Variants in MTOR observed in about 807,000 individuals in gnomAD.
The protein encoded by MTOR is serine/threonine-protein kinase mTOR.
A neutral mutation model predicts 319.8 loss-of-function variants in MTOR; 70 were observed. That is an observed-to-expected ratio of 0.22 (90% CI 0.18 to 0.27). The LOEUF is 0.27. Ranked by LOEUF, MTOR falls within the 10% of genes least tolerant of loss-of-function variation. The pLI is 1.00. For missense variants in MTOR, 1,890 were observed against 3,274.4 expected, an observed-to-expected ratio of 0.58 and a Z score of 10.32; for synonymous variants, 1,183 against 1,211.4, an observed-to-expected ratio of 0.98 and a Z score of 0.49.
At chr1:11,153,543 T>C (rs1450309293) in intron 30 of MTOR, among the ~76,000 whole-genome samples, 1 of 152,250 alleles carries the variant, frequency 6.6e-6, no homozygotes, top group Non-Finnish European at 1.5e-5. Flanking sequence ...GATATGATTG[T>C]ATGACAGCTG....
chr1:11,172,753 C>A (rs922555727), intron 28 of MTOR, among the ~76,000 whole-genome samples: 1 of 150,744 alleles, frequency 6.6e-6, no homozygotes, highest in Non-Finnish European at 1.5e-5. Context: ...CCTGTAATTG[C>A]AGCTACTCGG....
intron 3 of MTOR, among the ~76,000 whole-genome samples, chr1:11,257,596 G>A (rs113547331): frequency 0.03 from 4,421 of 149,578 alleles, 187 homozygotes; most frequent in African/African-American, 0.07. Context: ...AAAAAATCTG[G>A]CGAGTGAACC....
chr1:11,164,492 TA>T (rs987113226), intron 29 of MTOR, among the ~76,000 whole-genome samples: 1 of 151,998 alleles, frequency 6.6e-6, no homozygotes, highest in Non-Finnish European at 1.5e-5. Flanking sequence ...CTAGAAAATC[TA>T]GAAGAAATGG....
chr1:11,113,009 G>T, intron 53 of MTOR, 92 bp from the exon 54 acceptor site: 2 of 1,364,834 alleles, frequency 1.5e-6, no homozygotes, highest in Non-Finnish European at 2.1e-6. Flanking sequence ...AAATATAATT[G>T]TTCGTAAAGC....
At chr1:11,235,413 G>C (rs1647169197) in intron 13 of MTOR, among the ~76,000 whole-genome samples, 1 of 152,004 alleles carries the variant, frequency 6.6e-6, no homozygotes, top group African/African-American at 2.4e-5. Flanking sequence ...GAGCCCAAGA[G>C]GCAGAGGTTG....
chr1:11,136,945 G>A (rs1410637805), intron 36 of MTOR, among the ~76,000 whole-genome samples: 5 of 151,130 alleles, frequency 3.3e-5, no homozygotes, highest in East Asian at 1.9e-4. Flanking sequence ...AGGTTCAAGC[G>A]ATTCTCCCGC....
At chr1:11,221,247 G>A (rs1022256785) in intron 19 of MTOR, among the ~76,000 whole-genome samples, 14 of 152,060 alleles carry the variant, frequency 9.2e-5, no homozygotes, top group Admixed American at 2.0e-4. Flanking sequence ...CACCTGCCTC[G>A]GCCTCCCAAA....
intron 52 of MTOR, 81 bp from the exon 53 acceptor site, chr1:11,114,534 C>T (rs929454899): frequency 3.8e-6 from 6 of 1,575,272 alleles, no homozygotes; most frequent in Non-Finnish European, 5.2e-6. Context: ...GTTACCCTCA[C>T]TTAGGAAGCA....
chr1:11,147,747 C>T (rs1446357010), intron 31 of MTOR, among the ~76,000 whole-genome samples: 1 of 152,178 alleles, frequency 6.6e-6, no homozygotes, highest in African/African-American at 2.4e-5. Flanking sequence ...TGTAACTTTC[C>T]TCTGGGCTCC....
At chr1:11,189,423 C>A (rs1440610461) in intron 28 of MTOR, 16 of 932,182 alleles carry the variant, frequency 1.7e-5, no homozygotes, top group African/African-American at 3.3e-5. Context: ...TTGAGAAAGG[C>A]TAGCAAAGAG....
rs2100855180 is a variant in MTOR at position 11,228,755 on chromosome 1, G to A, written c.2943C>T (p.Ser981=). ...GGAACTGCACACATTTGAGTCCCAG[G>A]GACTTGAAGATGAAGGTGATGGCCT... ...VVQAITFIFK[S]LGLKCVQFLP... Residue 981 remains serine (S), a synonymous_variant, in exon 19 of 58, where the codon TCC becomes TCT. Coordinates refer to ENST00000361445, the MANE Select transcript of MTOR (RefSeq NM_004958.4). 6.2e-7 allele frequency: 1 copy of A among 1,614,132 alleles called. No individual in the cohort carries two copies. The highest frequency in any genetic ancestry group is 8.5e-7 in the Non-Finnish European group (1 of 1,180,022).
In MTOR at chr1:11,127,521, G is replaced by T; in HGVS notation, c.6216+103C>A. 7.3e-7 allele frequency: 1 copy of T among 1,362,024 alleles called. No individual in the cohort carries two copies. 84.4% of individuals were successfully genotyped at this position (1,362,024 alleles called of 1,614,324 possible). A position where few individuals can be genotyped will look rare whatever the true frequency, so the allele number is the denominator to read the frequency against. On this transcript the variant is annotated intron_variant, in intron 44 of 57. Transcript: ENST00000361445. The surrounding 1 kb of genome is among the most constrained non-coding windows in gnomAD (Gnocchi z 5.5). Reference sequence around the variant, plus strand: ...GGAAAAGAAATCTGACAAAGGCCTTGGGTCACGTCCTTTCATTCTATAAAA... The same window carrying T: ...GGAAAAGAAATCTGACAAAGGCCTTTGGTCACGTCCTTTCATTCTATAAAA...
At chr1:11,164,334 G>GAAAAAAAA (rs547043272) in intron 29 of MTOR, among the ~76,000 whole-genome samples, 1 of 60,150 alleles carries the variant, frequency 1.7e-5, no homozygotes, top group Non-Finnish European at 3.6e-5. Context: ...GACTCTGCCT[G>GAAAAAAAA]AAAAAAAAAA....
intron 34 of MTOR, 39 bp downstream of exon 34, chr1:11,144,609 G>A (rs559080224): frequency 1.9e-6 from 3 of 1,584,530 alleles, no homozygotes; most frequent in Non-Finnish European, 2.6e-6. Context: ...GGAAGGGGTA[G>A]GGGTAGGTGG....
intron 28 of MTOR, among the ~76,000 whole-genome samples, chr1:11,177,594 C>T (rs1434309399): frequency 6.6e-6 from 1 of 152,034 alleles, no homozygotes. Flanking sequence ...GTCTCAGGCT[C>T]AGAGTGGCCT....
At chr1:11,220,545 G>A (rs756419602) in intron 19 of MTOR, among the ~76,000 whole-genome samples, 39 of 152,108 alleles carry the variant, frequency 2.6e-4, no homozygotes, top group Admixed American at 2.6e-4. Flanking sequence ...TGGAAGACAG[G>A]GTGATGAGAC....
intron 29 of MTOR, among the ~76,000 whole-genome samples, chr1:11,164,334 G>GAAAAAA (rs547043272): frequency 2.0e-4 from 12 of 60,132 alleles, no homozygotes; most frequent in Admixed American, 8.0e-4. Context: ...GACTCTGCCT[G>GAAAAAA]AAAAAAAAAA....
chr1:11,206,356 A>G (rs1293830598), intron 25 of MTOR, among the ~76,000 whole-genome samples: 2 of 152,316 alleles, frequency 1.3e-5, no homozygotes, highest in East Asian at 3.9e-4. Flanking sequence ...ACAGTGGTTA[A>G]GAGAGTGGGC....
chr1:11,138,788 A>G (rs1325734818), intron 36 of MTOR, among the ~76,000 whole-genome samples: 2 of 152,178 alleles, frequency 1.3e-5, no homozygotes, highest in East Asian at 1.9e-4. Flanking sequence ...AGCCACATCT[A>G]TTTCCCAAGG....
Sources: gnomAD v4.1 joint callset for allele counts (sites outside exome capture counted in the v4.1 genomes callset) on GRCh38, gnomAD v4.1.1 for gene constraint, Gnocchi (gnomAD v3.1) non-coding constraint, MANE v1.5 for transcripts, NCBI Gene and HGNC (gene_info 2026-07-23, HGNC 2026-07-21) for gene names.